INPP4B: variants seen among roughly 807,000 people sequenced by gnomAD.
INPP4B encodes the protein inositol polyphosphate-4-phosphatase type II B, also known as inositol polyphosphate 4-phosphatase type II.
In INPP4B, 55 loss-of-function variants were observed where a neutral mutation model predicts 122.5. The ratio of observed to expected loss-of-function variants is 0.45; its 90% CI spans 0.36 to 0.56. The LOEUF (loss-of-function observed/expected upper bound fraction) is 0.56. Ranked by LOEUF, INPP4B falls within the 20% of genes least tolerant of loss-of-function variation. The pLI is 0.00. For synonymous variants in INPP4B, 403 were observed against 388.7 expected, an observed-to-expected ratio of 1.04 and a Z score of -0.43; for missense variants, 1,000 against 1,097.7, an observed-to-expected ratio of 0.91 and a Z score of 1.26.
intron 25 of INPP4B, among the ~76,000 whole-genome samples, chr4:142,076,740 A>G (rs1422958369): frequency 3.9e-5 from 6 of 152,088 alleles, no homozygotes; most frequent in Non-Finnish European, 8.8e-5. Context: ...TTAAAGTATG[A>G]TAATAATAAA....
intron 2 of INPP4B, among the ~76,000 whole-genome samples, chr4:142,699,227 G>A (rs1761411091): frequency 6.6e-6 from 1 of 152,126 alleles, no homozygotes; most frequent in Admixed American, 6.6e-5. Context: ...CTGAAGCATG[G>A]TAGCACAGCA....
Position 142,181,242 on chromosome 4 carries a change from G to A in INPP4B, c.1182-7433C>T, listed in dbSNP as rs568169048. Among the ~76,000 whole-genome samples the A allele has an allele frequency of 1.1e-4, 17 of 152,212 alleles. No homozygotes were observed. In the South Asian group the frequency reaches 3.3e-3, roughly 30 times the overall value. On this transcript the variant is annotated intron_variant, in intron 15 of 25. Transcript: ENST00000262992. ...TTGAAGTTCCTTCCATTCCTGAGACGAAGGGAAAAGGATGGCACATTGCAT... is the reference window on the plus strand; with the variant it reads ...TTGAAGTTCCTTCCATTCCTGAGACAAAGGGAAAAGGATGGCACATTGCAT...
At chr4:142,165,872 C>T (rs73850803) in intron 16 of INPP4B, among the ~76,000 whole-genome samples, 9,848 of 151,730 alleles carry the variant, frequency 0.065, 1,110 homozygotes, top group African/African-American at 0.22. Context: ...CCATATCCTC[C>T]TCCACTCTTT....
chr4:142,202,443 G>A (rs190814061), intron 14 of INPP4B, among the ~76,000 whole-genome samples: 13 of 152,088 alleles, frequency 8.5e-5, no homozygotes, highest in African/African-American at 3.1e-4. Flanking sequence ...GGAAATCTGT[G>A]TCAAAATAGT....
At chr4:142,111,429 C>T (rs928089193) in intron 22 of INPP4B, among the ~76,000 whole-genome samples, 3 of 152,070 alleles carry the variant, frequency 2.0e-5, no homozygotes, top group African/African-American at 4.8e-5. Flanking sequence ...TCACCGCAAC[C>T]TCTGCCTCCC....
intron 2 of INPP4B, among the ~76,000 whole-genome samples, chr4:142,631,412 A>T (rs998077756): frequency 6.6e-6 from 1 of 152,180 alleles, no homozygotes; most frequent in African/African-American, 2.4e-5. Context: ...AGGTAAAAGG[A>T]TAAAAATGCC....
At chr4:142,589,435 C>T (rs1057093627) in intron 2 of INPP4B, among the ~76,000 whole-genome samples, 1 of 151,720 alleles carries the variant, frequency 6.6e-6, no homozygotes, top group Non-Finnish European at 1.5e-5. Context: ...TCTTAAAAGT[C>T]AAGAGTAAGA....
intron 2 of INPP4B, among the ~76,000 whole-genome samples, chr4:142,493,593 G>A (rs1322160922): frequency 6.6e-6 from 1 of 152,158 alleles, no homozygotes; most frequent in Non-Finnish European, 1.5e-5. Flanking sequence ...TTGGATTTCA[G>A]ACTTGCATGA....
intron 2 of INPP4B, among the ~76,000 whole-genome samples, chr4:142,588,377 A>G (rs138512108): frequency 6.6e-6 from 1 of 151,890 alleles, no homozygotes; most frequent in East Asian, 1.9e-4. Flanking sequence ...TTTTTGTTGT[A>G]AATGACATGA....
At chr4:142,106,250 T>C (rs1787040164) in intron 23 of INPP4B, among the ~76,000 whole-genome samples, 1 of 152,220 alleles carries the variant, frequency 6.6e-6, no homozygotes, top group African/African-American at 2.4e-5. Context: ...CTTGTTTATA[T>C]TTAATTGGCA....
chr4:142,039,356 T>G (rs946869023), intron 25 of INPP4B, among the ~76,000 whole-genome samples: 7 of 152,216 alleles, frequency 4.6e-5, no homozygotes, highest in Non-Finnish European at 7.3e-5. Flanking sequence ...TATTTAAATG[T>G]ATTAATTTTT....
At chr4:142,520,084 CT>C (rs1421392918) in intron 2 of INPP4B, among the ~76,000 whole-genome samples, 1 of 151,970 alleles carries the variant, frequency 6.6e-6, no homozygotes, top group Admixed American at 6.6e-5. Context: ...AAGATTTCAA[CT>C]CTATACAAAT....
At chr4:142,592,915 A>C (rs996917562) in intron 2 of INPP4B, among the ~76,000 whole-genome samples, 16 of 152,094 alleles carry the variant, frequency 1.1e-4, no homozygotes, top group African/African-American at 3.6e-4. Context: ...AGCCTGGGCA[A>C]CATAGTGAGA....
intron 2 of INPP4B, among the ~76,000 whole-genome samples, chr4:142,696,759 A>T (rs984962044): frequency 6.6e-6 from 1 of 152,182 alleles, no homozygotes; most frequent in African/African-American, 2.4e-5. Context: ...GCCAGTAGAG[A>T]GGCTCAGTAA....
intron 1 of INPP4B, among the ~76,000 whole-genome samples, chr4:142,778,770 A>G (rs1178142722): frequency 1.3e-5 from 2 of 152,198 alleles, no homozygotes; most frequent in South Asian, 4.1e-4. Context: ...AGAATTTCAT[A>G]TAGTTTACCT....
intron 2 of INPP4B, among the ~76,000 whole-genome samples, chr4:142,563,730 G>T (rs111705685): frequency 5.9e-5 from 9 of 152,142 alleles, no homozygotes; most frequent in Admixed American, 1.3e-4. Context: ...GAGCATAAGC[G>T]TGAAAATAAC....
chr4:142,295,562 T>C (rs759368865), intron 9 of INPP4B, among the ~76,000 whole-genome samples: 31 of 152,218 alleles, frequency 2.0e-4, no homozygotes, highest in Non-Finnish European at 4.1e-4. Context: ...TGACTATGTT[T>C]CTTGGAACAT....
At chr4:142,537,249 G>T (rs1316641172) in intron 2 of INPP4B, among the ~76,000 whole-genome samples, 2 of 151,428 alleles carry the variant, frequency 1.3e-5, no homozygotes, top group African/African-American at 4.9e-5. Flanking sequence ...AGTAGGACCT[G>T]GGTAAAATGT....
intron 1 of INPP4B, among the ~76,000 whole-genome samples, chr4:142,749,353 A>C (rs1222194287): frequency 6.7e-6 from 1 of 149,220 alleles, no homozygotes; most frequent in Non-Finnish European, 1.5e-5. Context: ...AAGTGGTCTA[A>C]ACGTGTTCTT....
Sources: gnomAD v4.1 joint callset for allele counts (sites outside exome capture counted in the v4.1 genomes callset) on GRCh38, gnomAD v4.1.1 for gene constraint, MANE v1.5 for transcripts, NCBI Gene and HGNC (gene_info 2026-07-23, HGNC 2026-07-21) for gene names.